The following ENTREP2 variants were observed in gnomAD, a reference collection of about 807,000 sequenced individuals.
The protein encoded by ENTREP2 is protein ENTREP2.
the ENTREP2 span, among the ~76,000 whole-genome samples, chr15:29,463,247 C>T: frequency 6.6e-6 from 1 of 152,108 alleles, no homozygotes; most frequent in African/African-American, 2.4e-5. Flanking sequence ...GAAGGCTTGG[C>T]CCAGGCACTT....
At chr15:29,293,331 A>T in the ENTREP2 span, among the ~76,000 whole-genome samples, 264 of 152,094 alleles carry the variant, frequency 1.7e-3, 10 homozygotes, top group South Asian at 0.053. Flanking sequence ...GCTCACTGCA[A>T]GCTCCACCTC....
chr15:29,430,787 G>A, the ENTREP2 span, among the ~76,000 whole-genome samples: 1 of 152,244 alleles, frequency 6.6e-6, no homozygotes, highest in East Asian at 1.9e-4. Flanking sequence ...TAATTATCCT[G>A]GAGACCACCC....
chr15:29,608,827 A>C, the ENTREP2 span, among the ~76,000 whole-genome samples: 14 of 151,470 alleles, frequency 9.2e-5, no homozygotes, highest in Admixed American at 9.2e-4. Context: ...TCGGCCTCCT[A>C]AAGTGCTGGG....
chr15:29,531,558 AT>A, the ENTREP2 span, among the ~76,000 whole-genome samples: 8 of 152,282 alleles, frequency 5.3e-5, no homozygotes, highest in East Asian at 5.8e-4. Flanking sequence ...CCATTTTTAA[AT>A]TTTTTAATTC....
chr15:29,213,174 T>C, the ENTREP2 span, among the ~76,000 whole-genome samples: 1 of 152,240 alleles, frequency 6.6e-6, no homozygotes, highest in Non-Finnish European at 1.5e-5. Context: ...ACCAGTACCA[T>C]GCTGTTTTGG....
chr15:29,151,879 C>T, the ENTREP2 span: 20 of 1,463,274 alleles, frequency 1.4e-5, no homozygotes, highest in East Asian at 2.0e-4. Flanking sequence ...AGCCTCATCC[C>T]GAAATAGATA....
At chr15:29,635,213 C>T in the ENTREP2 span, among the ~76,000 whole-genome samples, 61 of 152,160 alleles carry the variant, frequency 4.0e-4, no homozygotes, top group Non-Finnish European at 5.7e-4. Flanking sequence ...TCAACCTCCA[C>T]GTTGGGGGGT....
At chr15:29,240,105 G>A in the ENTREP2 span, among the ~76,000 whole-genome samples, 2 of 152,348 alleles carry the variant, frequency 1.3e-5, no homozygotes, top group African/African-American at 4.8e-5. Flanking sequence ...GCTCACGCCT[G>A]TAATCCCAAC....
the ENTREP2 span, among the ~76,000 whole-genome samples, chr15:29,332,895 G>A: frequency 6.7e-6 from 1 of 149,178 alleles, no homozygotes; most frequent in African/African-American, 2.5e-5. Flanking sequence ...CGGGGCGGAG[G>A]TTGCAGTGAG....
At chr15:29,514,893 A>G in the ENTREP2 span, among the ~76,000 whole-genome samples, 9 of 152,164 alleles carry the variant, frequency 5.9e-5, no homozygotes, top group Non-Finnish European at 1.5e-5. Flanking sequence ...CAGTTCCCCC[A>G]AAAGACAGCC....
the ENTREP2 span, among the ~76,000 whole-genome samples, chr15:29,156,947 A>G: frequency 6.6e-6 from 1 of 152,112 alleles, no homozygotes; most frequent in Non-Finnish European, 1.5e-5. Flanking sequence ...ATATAAAAAA[A>G]TTAGCCGGGA....
chr15:29,217,277 G>T, the ENTREP2 span, among the ~76,000 whole-genome samples: 1 of 152,160 alleles, frequency 6.6e-6, no homozygotes, highest in Non-Finnish European at 1.5e-5. Flanking sequence ...GGCTGCCAGT[G>T]AAAGAGCCAA....
chr15:29,289,973 C>T, the ENTREP2 span, among the ~76,000 whole-genome samples: 15 of 152,224 alleles, frequency 9.9e-5, no homozygotes, highest in Non-Finnish European at 2.2e-4. Flanking sequence ...ATGTATACGA[C>T]GAAACACTGT....
At chr15:29,544,527 TC>T in the ENTREP2 span, among the ~76,000 whole-genome samples, 1 of 151,946 alleles carries the variant, frequency 6.6e-6, no homozygotes, top group Non-Finnish European at 1.5e-5. Context: ...AACATTTTTT[TC>T]TTAAGGTTTT....
the ENTREP2 span, among the ~76,000 whole-genome samples, chr15:29,395,631 A>G: frequency 1.3e-5 from 2 of 151,318 alleles, no homozygotes; most frequent in Non-Finnish European, 2.9e-5. Flanking sequence ...GGGCTCAAGC[A>G]ATCCTCCCTG....
chr15:29,360,165 C>G, the ENTREP2 span, among the ~76,000 whole-genome samples: 1 of 152,326 alleles, frequency 6.6e-6, no homozygotes, highest in South Asian at 2.1e-4. Flanking sequence ...GTGCCACAGA[C>G]AGACATATCA....
the ENTREP2 span, among the ~76,000 whole-genome samples, chr15:29,206,698 A>C: frequency 6.6e-6 from 1 of 152,134 alleles, no homozygotes; most frequent in Non-Finnish European, 1.5e-5. Context: ...TGAGGTGATG[A>C]AAATGCTCTA....
the ENTREP2 span, among the ~76,000 whole-genome samples, chr15:29,344,225 C>A: frequency 6.6e-6 from 1 of 152,186 alleles, no homozygotes; most frequent in Non-Finnish European, 1.5e-5. Context: ...GCCACCTCCC[C>A]AAAACGCTTC....
At chr15:29,477,565 GA>G in the ENTREP2 span, among the ~76,000 whole-genome samples, 1 of 152,130 alleles carries the variant, frequency 6.6e-6, no homozygotes, top group Admixed American at 6.6e-5. Context: ...TAGGACCAGA[GA>G]AACACCAAAC....
Sources: gnomAD v4.1 joint callset for allele counts (sites outside exome capture counted in the v4.1 genomes callset) on GRCh38, gnomAD v4.1.1 for gene constraint, MANE v1.5 for transcripts, NCBI Gene and HGNC (gene_info 2026-07-23, HGNC 2026-07-21) for gene names.